Variants in ZNF880 observed in about 807,000 individuals in gnomAD.
ZNF880 encodes the protein zinc finger protein 880, also known as zinc finger protein LOC400713.
Under a neutral mutation model 11.8 loss-of-function variants are expected in ZNF880, and 12 were observed. The observed-to-expected ratio is 1.02, with a 90% confidence interval of 0.65 to 1.65. The LOEUF is 1.65. Ranked by LOEUF, ZNF880 falls within the 40% of genes most tolerant of loss-of-function variation. ZNF880 has a pLI of 0.00. For synonymous variants in ZNF880, 210 were observed against 232.4 expected, an observed-to-expected ratio of 0.90 and a Z score of 0.88; for missense variants, 601 against 673.9, an observed-to-expected ratio of 0.89 and a Z score of 1.20.
At chr19:52,382,987 C>T (rs1986747328) in intron 3 of ZNF880, among the ~76,000 whole-genome samples, 1 of 152,088 alleles carries the variant, frequency 6.6e-6, no homozygotes, top group South Asian at 2.1e-4. Context: ...TCTTTTTGCT[C>T]TTTGGAGCTG....
intron 1 of ZNF880, chr19:52,370,608 A>T (rs1025636855): frequency 1.3e-5 from 2 of 152,004 alleles, no homozygotes. Flanking sequence ...ACATAGTGAG[A>T]CCCCCATCTC....
chr19:52,372,726 C>T (rs190295013), intron 1 of ZNF880, among the ~76,000 whole-genome samples: 8 of 148,892 alleles, frequency 5.4e-5, no homozygotes, highest in East Asian at 2.0e-4. Context: ...ATGGTGAAAC[C>T]GCATCTCTAC....
At chr19:52,394,461 C>G in the ZNF880 span, among the ~76,000 whole-genome samples, 1 of 150,580 alleles carries the variant, frequency 6.6e-6, no homozygotes, top group Non-Finnish European at 1.5e-5. Context: ...TCTCAAACTC[C>G]TGAGCTTGAG....
chr19:52,386,295 A>G (rs1428855407), downstream of ZNF880, among the ~76,000 whole-genome samples: 1 of 143,280 alleles, frequency 7.0e-6, no homozygotes, highest in Non-Finnish European at 1.5e-5. Flanking sequence ...TTATTGTCTG[A>G]TTTAGAGAGC....
intron 3 of ZNF880, chr19:52,379,586 G>A (rs1310954029): frequency 8.5e-6 from 3 of 354,444 alleles, no homozygotes; most frequent in East Asian, 1.7e-4. Flanking sequence ...TTAGAGACAG[G>A]GTTTCACTCT....
chr19:52,376,496 GCCCC>G (rs772625389), intron 3 of ZNF880, among the ~76,000 whole-genome samples: 7 of 51,194 alleles, frequency 1.4e-4, no homozygotes, highest in African/African-American at 4.3e-4. Context: ...CCTTAGCACC[GCCCC>G]CCCCCCCCCT....
At chr19:52,368,973 CAAAAAAAAAAA>C (rs3029482), upstream of ZNF880, among the ~76,000 whole-genome samples, 18 of 71,854 alleles carry the variant, frequency 2.5e-4, no homozygotes, top group African/African-American at 9.5e-4. Flanking sequence ...GAGACCATCT[CAAAAAAAAAAA>C]AAAAAAAAAA....
chr19:52,377,347 A>C (rs1391728647), intron 3 of ZNF880, among the ~76,000 whole-genome samples: 1 of 151,556 alleles, frequency 6.6e-6, no homozygotes, highest in Non-Finnish European at 1.5e-5. Flanking sequence ...TGTTTTTTCT[A>C]CTCTCAAATG....
At chr19:52,367,958 T>C (rs1162444908), upstream of ZNF880, among the ~76,000 whole-genome samples, 1 of 151,962 alleles carries the variant, frequency 6.6e-6, no homozygotes, top group Non-Finnish European at 1.5e-5. Flanking sequence ...CTCAGCACTT[T>C]GGGAGGCTGC....
At position 52,385,449 on chromosome 19, in the gene ZNF880, T is replaced by G. The variant is rs1374750094; in HGVS notation, c.*135T>G. On this transcript the variant is annotated 3_prime_UTR_variant, in exon 4 of 4. Transcript: ENST00000422689. ...TTCTAGCATTAATCAACATCAGAGA[T>G]TCCATACTAAAGAGAAATCATAGCA... 9.6e-7 allele frequency: 1 copy of G among 1,043,796 alleles called. No homozygotes were observed. Among genetic ancestry groups the G allele is most frequent in the Non-Finnish European group, 1.4e-6 (1 of 735,486 alleles). The allele number at this position is 1,043,796 out of a possible 1,614,324, so 64.7% of individuals were successfully genotyped here.
intron 3 of ZNF880, among the ~76,000 whole-genome samples, chr19:52,382,414 C>A (rs1600250978): frequency 6.6e-6 from 1 of 152,034 alleles, no homozygotes; most frequent in African/African-American, 2.4e-5. Context: ...ATTTAGAGAC[C>A]TTTTATTTTA....
rs1468994156 is a variant in ZNF880, at chr19:52,385,510, T to G, written c.*196T>G. On this transcript the variant is annotated 3_prime_UTR_variant, in exon 4 of 4. Transcript: ENST00000422689. ...ATCAGGTCTCTTGAGGCCTGCCAAATGACTAGATATCAAAACATACATCTT... is the reference window on the plus strand; with the variant it reads ...ATCAGGTCTCTTGAGGCCTGCCAAAGGACTAGATATCAAAACATACATCTT... 4.9e-6 allele frequency: 3 copies of G among 609,152 alleles called. No individual in the cohort carries two copies. The allele number at this position is 609,152 out of a possible 1,614,324, so 37.7% of individuals were successfully genotyped here.
chr19:52,369,842 T>TGGGAGCGAGGCGGAG, upstream of ZNF880: 1 of 1,283,412 alleles, frequency 7.8e-7, no homozygotes, highest in Non-Finnish European at 1.1e-6. Context: ...CGAGACGAGC[T>TGGGAGCGAGGCGGAG]GGGAGCGAGG....
At chr19:52,368,170 C>T (rs963748749), upstream of ZNF880, among the ~76,000 whole-genome samples, 2 of 148,066 alleles carry the variant, frequency 1.4e-5, no homozygotes, top group African/African-American at 5.0e-5. Flanking sequence ...CACCCCACTG[C>T]ACTCCAGCCT....
chr19:52,371,024 ATATG>A (rs1198774595), intron 1 of ZNF880, among the ~76,000 whole-genome samples: 4 of 152,228 alleles, frequency 2.6e-5, no homozygotes, highest in Admixed American at 2.0e-4. Context: ...GTGAATGTAT[ATATG>A]TATATGAATA....
chr19:52,373,024 GA>G, intron 1 of ZNF880, 86 bp from the exon 2 acceptor site: 5 of 1,385,884 alleles, frequency 3.6e-6, no homozygotes, highest in Non-Finnish European at 5.1e-6. Flanking sequence ...GGATTTGTCA[GA>G]ACATCCACTT....
upstream of ZNF880, chr19:52,369,871 C>G: frequency 6.6e-7 from 1 of 1,506,072 alleles, no homozygotes; most frequent in East Asian, 2.5e-5. Flanking sequence ...AGCGCAGGCT[C>G]CGCCCAATCC....
In ZNF880 at chr19:52,383,947, C is replaced by G; in HGVS notation, c.367C>G (p.Gln123Glu). 1 of 1,556,762 alleles carries G rather than the reference C, an allele frequency of 6.4e-7. No individual in the cohort carries two copies. The highest frequency in any genetic ancestry group is 1.7e-4 in the Middle Eastern group (1 of 5,996). Residue 123 changes from glutamine to glutamate, a missense_variant, in exon 4 of 4, where the codon CAA becomes GAA. Gln to Glu is a conservative substitution (Grantham distance 29). Coordinates refer to ENST00000422689, the MANE Select transcript of ZNF880 (RefSeq NM_001145434.2). Reference sequence around the variant, plus strand: ...ACATCTGAGTGAACTGCAGCTATTTCAAGCTGAAAGGAATATTTCTGGATG... The same window carrying G: ...ACATCTGAGTGAACTGCAGCTATTTGAAGCTGAAAGGAATATTTCTGGATG... ...QLHLSELQLF[Q>E]AERNISGCKH...
chr19:52,397,434 C>T, the ZNF880 span: 1 of 151,984 alleles, frequency 6.6e-6, no homozygotes, highest in Non-Finnish European at 1.5e-5. Flanking sequence ...AGCTTCCCTT[C>T]CCTTCCTCCC....
Sources: gnomAD v4.1 joint callset for allele counts (sites outside exome capture counted in the v4.1 genomes callset) on GRCh38, gnomAD v4.1.1 for gene constraint, MANE v1.5 for transcripts, NCBI Gene and HGNC (gene_info 2026-07-23, HGNC 2026-07-21) for gene names.